LDLRAD1: variants seen among roughly 807,000 people sequenced by gnomAD.
The protein encoded by LDLRAD1 is low density lipoprotein receptor class A domain containing 1, also known as low-density lipoprotein receptor class A domain-containing protein 1.
LDLRAD1 carries 17 observed loss-of-function variants against 24.8 expected under a neutral mutation model. The observed-to-expected ratio is 0.69, with a 90% CI of 0.47 to 1.03. The LOEUF (loss-of-function observed/expected upper bound fraction) is 1.03, where lower values mean the gene tolerates loss of function less well. Ranked by LOEUF, LDLRAD1 falls within the 50% of genes least tolerant of loss-of-function variation. LDLRAD1 has a pLI of 0.00. For missense variants in LDLRAD1, 277 were observed against 271.0 expected (o/e 1.02, Z -0.16); for synonymous variants, 103 against 108.2 (o/e 0.95, Z 0.30).
Position 54,009,167 on chromosome 1 carries a change from T to G in LDLRAD1, c.470-37A>C, listed in dbSNP as rs982095532. On this transcript the variant is annotated intron_variant, in intron 5 of 5. Coordinates refer to ENST00000371360, the MANE Select transcript of LDLRAD1 (RefSeq NM_001010978.4). Reference sequence around the variant, plus strand: ...AGAGCCAGCAGGAGAGCAGTTGCTGTGTCCTGGAACGCTCTGTGCACCAGG... The same window carrying G: ...AGAGCCAGCAGGAGAGCAGTTGCTGGGTCCTGGAACGCTCTGTGCACCAGG... 10 of 1,607,460 alleles carry G rather than the reference T, an allele frequency of 6.2e-6. No individual in the cohort carries two copies. The African/African-American group carries it at 1.3e-4, about 21-fold the overall frequency.
At chr1:54,010,595 G>A (rs1261069039) in intron 4 of LDLRAD1, among the ~76,000 whole-genome samples, 185 bp from the exon 5 acceptor site, 2 of 152,006 alleles carry the variant, frequency 1.3e-5, no homozygotes, top group African/African-American at 4.8e-5. Context: ...GGAGAGCTCC[G>A]TTGCTGGACA....
chr1:54,017,382 C>T lies in LDLRAD1; in HGVS notation c.67G>A (p.Gly23Arg), dbSNP rs761944108. 4 of 1,601,780 alleles carry T rather than the reference C, an allele frequency of 2.5e-6. No homozygotes were observed. In the East Asian group the frequency reaches 9.0e-5, roughly 36 times the overall value. Reference protein sequence around the residue: ...TAAESKAHPGGEAGGGHLCCS... With the variant: ...TAAESKAHPGREAGGGHLCCS... ...AGGCCCTCCAGTTCTTTACCTTCCCCTCCAGGGTGGGCTTTGGATTCAGCA... is the reference window on the plus strand; with the variant it reads ...AGGCCCTCCAGTTCTTTACCTTCCCTTCCAGGGTGGGCTTTGGATTCAGCA... The change falls in exon 2 of 6, where the codon GGG becomes AGG. Residue 23 changes from glycine (G) to arginine (R), a missense_variant. Transcript: ENST00000371360.
At chr1:54,014,408 G>A (rs1431175739) in intron 2 of LDLRAD1, 44 bp from the exon 3 acceptor site, 2 of 1,503,200 alleles carry the variant, frequency 1.3e-6, no homozygotes, top group Non-Finnish European at 9.0e-7. Flanking sequence ...GTGATAGGGG[G>A]CCAGCGCTAG....
rs778978956 is a variant in LDLRAD1 at position 54,010,279 on chromosome 1, T to C, written c.469+3A>G. 4 of 1,613,772 alleles carry C rather than the reference T, an allele frequency of 2.5e-6. No homozygotes were observed. The South Asian group carries it at 4.4e-5, about 18-fold the overall frequency. On this transcript the variant is annotated splice_donor_region_variant and intron_variant, in intron 5 of 5. Transcript: ENST00000371360. ...CCAGCCCAGCCTGTGCCCAGACCCCTACCTGGGCTCAGTTCATCTGAACAG... is the reference window on the plus strand; with the variant it reads ...CCAGCCCAGCCTGTGCCCAGACCCCCACCTGGGCTCAGTTCATCTGAACAG...
chr1:54,016,935 C>T (rs977210147), intron 2 of LDLRAD1, among the ~76,000 whole-genome samples: 2 of 152,190 alleles, frequency 1.3e-5, no homozygotes, highest in African/African-American at 2.4e-5. Context: ...GTGTTTCTTC[C>T]TTCTTCTATT....
chr1:54,016,587 G>T (rs1656317608), intron 2 of LDLRAD1, among the ~76,000 whole-genome samples: 1 of 152,174 alleles, frequency 6.6e-6, no homozygotes, highest in Non-Finnish European at 1.5e-5. Context: ...TCAGGACTTA[G>T]AAATAAACAA....
intron 5 of LDLRAD1, 48 bp downstream of exon 5, chr1:54,010,234 C>A: frequency 6.2e-7 from 1 of 1,607,838 alleles, no homozygotes; most frequent in Non-Finnish European, 8.5e-7. Flanking sequence ...TGCCCTCTGG[C>A]TGCTGCCTGG....
At position 54,009,015 on chromosome 1, in the gene LDLRAD1, G is replaced by A; in HGVS notation, c.585C>T (p.Asp195=). The A allele has an allele frequency of 6.2e-7, 1 of 1,614,026 alleles. No homozygotes were observed. The highest frequency in any genetic ancestry group is 8.5e-7 in the Non-Finnish European group (1 of 1,179,974). Reference sequence around the variant, plus strand: ...CGGGACAGGCATACTCATCGGACCAGTCGGAGCAGTGCTGTACATGGTCGC... The same window carrying A: ...CGGGACAGGCATACTCATCGGACCAATCGGAGCAGTGCTGTACATGGTCGC... ...LCRDHVQHCS[D]WSDEYACPGP Residue 195 remains aspartate (D), a synonymous_variant, in exon 6 of 6, where the codon GAC becomes GAT. Coordinates refer to ENST00000371360, the MANE Select transcript of LDLRAD1 (RefSeq NM_001010978.4).
chr1:54,015,969 ACT>A (rs1292034458), intron 2 of LDLRAD1, among the ~76,000 whole-genome samples: 2 of 151,924 alleles, frequency 1.3e-5, no homozygotes, highest in South Asian at 4.2e-4. Context: ...CTTTGTGAAC[ACT>A]CTGTGAATAT....
In LDLRAD1 at chr1:54,008,968, C is replaced by T; in HGVS notation, c.*14G>A. The T allele has an allele frequency of 6.2e-7, 1 of 1,607,460 alleles. No individual in the cohort carries two copies. Among genetic ancestry groups the T allele is most frequent in the Non-Finnish European group, 8.5e-7 (1 of 1,175,542 alleles). ...CATTCCAGCCAGCCTTCCATGCTGG[C>T]CTGAGTGGCCCACTCAGGGTCCGGG... On this transcript the variant is annotated 3_prime_UTR_variant, in exon 6 of 6. Coordinates refer to ENST00000371360, the MANE Select transcript of LDLRAD1 (RefSeq NM_001010978.4).
chr1:54,010,521 C>T lies in LDLRAD1; in HGVS notation c.341-111G>A. On this transcript the variant is annotated intron_variant, in intron 4 of 5. Coordinates refer to ENST00000371360, the MANE Select transcript of LDLRAD1 (RefSeq NM_001010978.4). ...GCAGTGGCCAAACTCAGGATCAGTG[C>T]CCATCCAGCCCAGAAGGGTGCAAGC... 3 of 1,058,468 alleles carry T rather than the reference C, an allele frequency of 2.8e-6. No individual in the cohort carries two copies. In the South Asian group the frequency reaches 4.4e-5, roughly 16 times the overall value. The allele number at this position is 1,058,468 out of a possible 1,614,324, so 65.6% of individuals were successfully genotyped here. A position where few individuals can be genotyped will look rare whatever the true frequency, so the allele number is the denominator to read the frequency against.
At position 54,008,489 on chromosome 1, in the gene LDLRAD1, C is replaced by G. The variant is rs1207154924; in HGVS notation, c.*493G>C. The G allele has an allele frequency of 6.5e-6, 1 of 154,634 alleles. No individual in the cohort carries two copies. The highest frequency in any genetic ancestry group is 2.4e-5 in the African/African-American group (1 of 41,446). 9.6% of individuals were successfully genotyped at this position (154,634 alleles called of 1,614,324 possible). A position where few individuals can be genotyped will look rare whatever the true frequency, so the allele number is the denominator to read the frequency against. Reference sequence around the variant, plus strand: ...AGTTAGCAGATTTCCTCTGTGTGGCCCCAGAGACAGGCATGAAATCATGGA... The same window carrying G: ...AGTTAGCAGATTTCCTCTGTGTGGCGCCAGAGACAGGCATGAAATCATGGA... On this transcript the variant is annotated 3_prime_UTR_variant, in exon 6 of 6. Coordinates refer to ENST00000371360, the MANE Select transcript of LDLRAD1 (RefSeq NM_001010978.4).
At chr1:54,009,717 C>T (rs1251847942) in intron 5 of LDLRAD1, among the ~76,000 whole-genome samples, 1 of 152,124 alleles carries the variant, frequency 6.6e-6, no homozygotes, top group African/African-American at 2.4e-5. Flanking sequence ...ATACCAGGTG[C>T]GTTCTGAGCA....
At position 54,008,884 on chromosome 1, in the gene LDLRAD1, AGGC is replaced by A; in HGVS notation, c.*95_*97del. ...AAATGATGTGTAGATCCCATTTCAAAGGCTGCTTCCTGCCCTTGTGCGCTAGGA... is the reference window on the plus strand; with the variant it reads ...AAATGATGTGTAGATCCCATTTCAAATGCTTCCTGCCCTTGTGCGCTAGGA... On this transcript the variant is annotated 3_prime_UTR_variant, in exon 6 of 6. Coordinates refer to ENST00000371360, the MANE Select transcript of LDLRAD1 (RefSeq NM_001010978.4). The A allele has an allele frequency of 1.1e-6, 1 of 932,026 alleles. No individual in the cohort carries two copies. The highest frequency in any genetic ancestry group is 1.5e-6 in the Non-Finnish European group (1 of 680,046). The allele number at this position is 932,026 out of a possible 1,614,324, so 57.7% of individuals were successfully genotyped here.
chr1:54,009,239 C>A, intron 5 of LDLRAD1, 109 bp from the exon 6 acceptor site: 1 of 998,226 alleles, frequency 1.0e-6, no homozygotes, highest in Non-Finnish European at 1.5e-6. Flanking sequence ...TGGCCCCAAC[C>A]CATCTGACGT....
At chr1:54,011,948 G>A (rs1217220839) in intron 4 of LDLRAD1, among the ~76,000 whole-genome samples, 195 bp downstream of exon 4, 1 of 152,216 alleles carries the variant, frequency 6.6e-6, no homozygotes, top group African/African-American at 2.4e-5. Flanking sequence ...GACGCACAGG[G>A]TGAAGGCATT....
chr1:54,013,357 A>G (rs1656144776), intron 3 of LDLRAD1, among the ~76,000 whole-genome samples: 1 of 151,872 alleles, frequency 6.6e-6, no homozygotes, highest in African/African-American at 2.4e-5. Flanking sequence ...AGCGCTGCGA[A>G]TCTCAGCCCC....
At chr1:54,013,902 G>A (rs1246523672) in intron 3 of LDLRAD1, among the ~76,000 whole-genome samples, 3 of 152,008 alleles carry the variant, frequency 2.0e-5, no homozygotes, top group East Asian at 1.9e-4. Flanking sequence ...GCACCACCCC[G>A]GGGTGGCCAG....
intron 5 of LDLRAD1, among the ~76,000 whole-genome samples, chr1:54,009,340 C>T (rs892810012): frequency 1.3e-5 from 2 of 152,130 alleles, no homozygotes; most frequent in Non-Finnish European, 2.9e-5. Context: ...CTGTCTGAAA[C>T]TGTTTCCTAG....
Sources: gnomAD v4.1 joint callset for allele counts (sites outside exome capture counted in the v4.1 genomes callset) on GRCh38, gnomAD v4.1.1 for gene constraint, MANE v1.5 for transcripts, NCBI Gene and HGNC (gene_info 2026-07-23, HGNC 2026-07-21) for gene names.